Variants in ZC2HC1C observed in about 807,000 individuals in gnomAD.
The protein encoded by ZC2HC1C is zinc finger C2HC domain-containing protein 1C.
In ZC2HC1C, 25 loss-of-function variants were observed where a neutral mutation model predicts 39.2. The observed-to-expected ratio is 0.64, with a 90% CI of 0.47 to 0.89. The LOEUF is 0.89. Among genes scored for constraint, ZC2HC1C ranks in the 40% least tolerant of loss-of-function variants. ZC2HC1C has a pLI of 0.00. For missense variants in ZC2HC1C, 519 were observed against 548.6 expected, an observed-to-expected ratio of 0.95 and a Z score of 0.54; for synonymous variants, 209 against 214.4, an observed-to-expected ratio of 0.97 and a Z score of 0.22.
chr14:75,076,075 A>G (rs188470736), intron 2 of ZC2HC1C, among the ~76,000 whole-genome samples: 1 of 151,468 alleles, frequency 6.6e-6, no homozygotes, highest in African/African-American at 2.4e-5. Flanking sequence ...ACAACAACAA[A>G]AACAAAACAA....
rs1893743507 is a variant in ZC2HC1C, at chr14:75,077,629, G to A, written c.*65G>A. On this transcript the variant is annotated 3_prime_UTR_variant, in exon 3 of 3. Coordinates refer to ENST00000524913, the MANE Select transcript of ZC2HC1C (RefSeq NM_024643.4). ...GAGGTCCAGCAGGTAACTGCCAAAG[G>A]TGGAAACTGTTCACACTTGCCTCCC... The A allele has an allele frequency of 2.5e-6, 4 of 1,601,550 alleles. No individual in the cohort carries two copies. The South Asian group carries it at 4.4e-5, about 18-fold the overall frequency.
In ZC2HC1C at chr14:75,070,994, T is replaced by C. The variant is rs751639972; in HGVS notation, c.421T>C (p.Leu141=). ...KRVGVDRAFP[L]KPMVHRKSCS... ...AGTTGGAGTGGACCGGGCGTTCCCA[T>C]TGAAACCCATGGTCCACAGGAAGTC... Residue 141 remains leucine, a synonymous_variant, in exon 2 of 3, where the codon TTG becomes CTG. Transcript: ENST00000524913. 5.4e-5 allele frequency: 87 copies of C among 1,614,014 alleles called. 1 individual carries two copies. The South Asian group carries it at 5.7e-4, about 11-fold the overall frequency.
Position 75,070,546 on chromosome 14 carries a change from CTCCCGTAGGCGTCAG to C in ZC2HC1C, c.-19-5_-10del. 1.3e-6 allele frequency: 2 copies of C among 1,565,670 alleles called. No homozygotes were observed. Among genetic ancestry groups the C allele is most frequent in the East Asian group, 4.5e-5 (2 of 44,552 alleles). On this transcript the variant is annotated splice_acceptor_variant and splice_polypyrimidine_tract_variant and 5_prime_UTR_variant and intron_variant, in exon 2 of 3. Transcript: ENST00000524913. LOFTEE classifies it low-confidence loss of function (5UTR_SPLICE). ...CTCTTCCCGTGTATCTGGTTTAAAT[CTCCCGTAGGCGTCAG>C]TCCAGGCCCTGAATGGCTGGTCTCC...
chr14:75,072,450 T>C (rs553325159), intron 2 of ZC2HC1C, among the ~76,000 whole-genome samples: 1 of 152,216 alleles, frequency 6.6e-6, no homozygotes, highest in Admixed American at 6.5e-5. Context: ...TCTTAGTAAA[T>C]AGATGAAACA....
chr14:75,071,489 T>C lies in ZC2HC1C; in HGVS notation c.916T>C (p.Trp306Arg), dbSNP rs1258611157. ...FSRDRREDET[W>R]GRSQQNSGPF... is the part of the protein sequence containing the mutation. ...TAGAGACAGGAGAGAGGATGAAACT[T>C]GGGGACGGTCTCAACAAAATTCAGG... Residue 306 changes from tryptophan (W) to arginine (R), a missense_variant, in exon 2 of 3, where the codon TGG (tryptophan) becomes CGG (arginine). By Grantham distance (101) the Trp-to-Arg change is moderately radical. Coordinates refer to ENST00000524913, the MANE Select transcript of ZC2HC1C (RefSeq NM_024643.4). The C allele has an allele frequency of 6.2e-7, 1 of 1,614,112 alleles. No individual in the cohort carries two copies. Among genetic ancestry groups the C allele is most frequent in the Middle Eastern group, 1.6e-4 (1 of 6,062 alleles).
Position 75,077,673 on chromosome 14 carries a change from C to A in ZC2HC1C, c.*109C>A. 2.2e-6 allele frequency: 3 copies of A among 1,388,936 alleles called. No homozygotes were observed. In the South Asian group the frequency reaches 3.7e-5, roughly 17 times the overall value. 86.0% of individuals were successfully genotyped at this position (1,388,936 alleles called of 1,614,324 possible). A position where few individuals can be genotyped will look rare whatever the true frequency, so the allele number is the denominator to read the frequency against. ...GCCTCCCATCCTGCCTGCAGAAAACCCAGACTGCATTCAGTGTCCTCAGTG... is the reference window on the plus strand; with the variant it reads ...GCCTCCCATCCTGCCTGCAGAAAACACAGACTGCATTCAGTGTCCTCAGTG... On this transcript the variant is annotated 3_prime_UTR_variant, in exon 3 of 3. Transcript: ENST00000524913.
At chr14:75,076,739 C>T (rs1224703649) in intron 2 of ZC2HC1C, among the ~76,000 whole-genome samples, 1 of 141,402 alleles carries the variant, frequency 7.1e-6, no homozygotes, top group African/African-American at 2.5e-5. Context: ...TTTTCTTCTG[C>T]CACCTGCCTT....
rs1893518550 is a variant in ZC2HC1C, at chr14:75,073,491, T to C, written c.1338+1580T>C. 70 of 955,668 alleles carry C rather than the reference T, an allele frequency of 7.3e-5. No individual in the cohort carries two copies. The South Asian group carries it at 8.9e-4, about 12-fold the overall frequency. 59.2% of individuals were successfully genotyped at this position (955,668 alleles called of 1,614,324 possible). A position where few individuals can be genotyped will look rare whatever the true frequency, so the allele number is the denominator to read the frequency against. ...AACTAGTTTGTGGGAATGTGTGACA[T>C]TGAGGACACCAAGACAGAAGGGACC... is the stretch of plus-strand genomic sequence containing the variant. On this transcript the variant is annotated intron_variant, in intron 2 of 2. Transcript: ENST00000524913.
At chr14:75,070,526 C>T in intron 1 of ZC2HC1C, 29 bp from the exon 2 acceptor site, 1 of 1,544,388 alleles carries the variant, frequency 6.5e-7, no homozygotes, top group South Asian at 1.3e-5. Flanking sequence ...ACAAACTCTT[C>T]CCGTGTATCT....
chr14:75,072,043 G>C, intron 2 of ZC2HC1C, 132 bp downstream of exon 2: 1 of 1,263,652 alleles, frequency 7.9e-7, no homozygotes, highest in Non-Finnish European at 1.1e-6. Flanking sequence ...AACATTTCTT[G>C]ATTACTACTG....
chr14:75,075,087 G>A (rs1292817101), intron 2 of ZC2HC1C, among the ~76,000 whole-genome samples: 1 of 152,160 alleles, frequency 6.6e-6, no homozygotes, highest in Non-Finnish European at 1.5e-5. Context: ...AATAATGGAC[G>A]TATGTTTTCA....
rs370528322 is a variant in ZC2HC1C, at chr14:75,077,597, G to A, written c.*33G>A. The stretch of plus-strand genomic sequence containing the variant: ...AATCTTTTATCCATACGTTCCGCCA[G>A]GCTCGAGAGGTCCAGCAGGTAACTG... On this transcript the variant is annotated 3_prime_UTR_variant, in exon 3 of 3. Transcript: ENST00000524913. 8 of 1,613,832 alleles carry A rather than the reference G, an allele frequency of 5.0e-6. No homozygotes were observed. Among genetic ancestry groups the A allele is most frequent in the African/African-American group, 1.3e-5 (1 of 74,916 alleles).
At chr14:75,075,177 T>G (rs999002054) in intron 2 of ZC2HC1C, among the ~76,000 whole-genome samples, 3 of 152,226 alleles carry the variant, frequency 2.0e-5, no homozygotes, top group Non-Finnish European at 4.4e-5. Flanking sequence ...AACGTTTTTG[T>G]AATGCTCAAA....
Position 75,079,090 on chromosome 14 carries a change from C to A in ZC2HC1C, c.*1526C>A, listed in dbSNP as rs1475619074. The stretch of plus-strand genomic sequence containing the variant: ...TTTAAAATACTGGAGAAAAACTGCT[C>A]AATTTGAGCTAGTCAACAGGGCTAG... On this transcript the variant is annotated 3_prime_UTR_variant, in exon 3 of 3. Coordinates refer to ENST00000524913, the MANE Select transcript of ZC2HC1C (RefSeq NM_024643.4). 6.6e-6 allele frequency: 1 copy of A among 151,756 alleles called. No individual in the cohort carries two copies. The highest frequency in any genetic ancestry group is 2.4e-5 in the African/African-American group (1 of 41,296). 9.4% of individuals were successfully genotyped at this position (151,756 alleles called of 1,614,324 possible). A position where few individuals can be genotyped will look rare whatever the true frequency, so the allele number is the denominator to read the frequency against.
At chr14:75,077,416 G>C in intron 2 of ZC2HC1C, 116 bp from the exon 3 acceptor site, 1 of 1,380,992 alleles carries the variant, frequency 7.2e-7, no homozygotes. Flanking sequence ...CTCCTTTCCT[G>C]TTCTCTTTGA....
At chr14:75,071,957 G>T in intron 2 of ZC2HC1C, 46 bp downstream of exon 2, 1 of 1,527,498 alleles carries the variant, frequency 6.5e-7, no homozygotes, top group South Asian at 1.3e-5. Flanking sequence ...GATCATTGTA[G>T]GGGTCTGTTT....
Position 75,070,630 on chromosome 14 carries a change from TA to T in ZC2HC1C, c.59del (p.Asn20IlefsTer26). ...TGCCTGTGGGCGTTATGCTCCCACATAATACAACGGAAGCTCCAGGGCCCCA... is the reference window on the plus strand; with the variant it reads ...TGCCTGTGGGCGTTATGCTCCCACATATACAACGGAAGCTCCAGGGCCCCA... ...HLPVGVMLPH[N>X]TTEAPGPHSA... On this transcript the variant is annotated frameshift_variant, in exon 2 of 3. Coordinates refer to ENST00000524913, the MANE Select transcript of ZC2HC1C (RefSeq NM_024643.4). LOFTEE classifies it high-confidence loss of function. The T allele has an allele frequency of 2.5e-6, 4 of 1,614,174 alleles. No individual in the cohort carries two copies. Among genetic ancestry groups the T allele is most frequent in the Non-Finnish European group, 2.5e-6 (3 of 1,180,016 alleles).
chr14:75,070,787 C>A lies in ZC2HC1C; in HGVS notation c.214C>A (p.Pro72Thr). The A allele has an allele frequency of 6.2e-7, 1 of 1,614,166 alleles. No individual in the cohort carries two copies. Among genetic ancestry groups the A allele is most frequent in the Non-Finnish European group, 8.5e-7 (1 of 1,180,030 alleles). The change falls in exon 2 of 3, where the codon CCC becomes ACC. Residue 72 changes from proline (P) to threonine (T), a missense_variant. Transcript: ENST00000524913. The stretch of plus-strand genomic sequence containing the variant: ...GATTCTGGATAAAGTCTATACTCAC[C>A]CCAAATGGAACACCCAAACAAAAGC... ...ELILDKVYTH[P>T]KWNTQTKARS...
chr14:75,076,544 A>G (rs1375652032), intron 2 of ZC2HC1C, among the ~76,000 whole-genome samples: 1 of 152,250 alleles, frequency 6.6e-6, no homozygotes, highest in African/African-American at 2.4e-5. Context: ...CTGGGATTAC[A>G]GGCGTGAGCC....
Sources: gnomAD v4.1 joint callset for allele counts (sites outside exome capture counted in the v4.1 genomes callset) on GRCh38, gnomAD v4.1.1 for gene constraint, MANE v1.5 for transcripts, NCBI Gene and HGNC (gene_info 2026-07-23, HGNC 2026-07-21) for gene names.